The following FNDC3A variants were observed in gnomAD, a reference collection of about 807,000 sequenced individuals.
The protein encoded by FNDC3A is fibronectin type III domain containing 3A.
In FNDC3A, 32 loss-of-function variants were observed where a neutral mutation model predicts 148.9. The observed-to-expected ratio is 0.21, with a 90% CI of 0.16 to 0.29. The LOEUF is 0.29. Among genes scored for constraint, FNDC3A ranks in the 10% least tolerant of loss-of-function variants. The pLI is 1.00. For synonymous variants in FNDC3A, 472 were observed against 473.6 expected, an observed-to-expected ratio of 1.00 and a Z score of 0.04; for missense variants, 1,191 against 1,452.8, an observed-to-expected ratio of 0.82 and a Z score of 2.93.
At position 49,035,076 on chromosome 13, in the gene FNDC3A, AT is replaced by A. The variant is rs553248219; in HGVS notation, c.99+28794del. Among the ~76,000 whole-genome samples the A allele has an allele frequency of 2.3e-4, 35 of 152,150 alleles. No homozygotes were observed. The South Asian group carries it at 6.6e-3, about 29-fold the overall frequency. On this transcript the variant is annotated intron_variant, in intron 2 of 25. Coordinates refer to ENST00000492622, the MANE Select transcript of FNDC3A (RefSeq NM_001079673.2). ...ATTCTAATTACTGTAAAGTCCTTATATTTTTTTCTTTAAAATAATTGTAAGT... is the reference window on the plus strand; with the variant it reads ...ATTCTAATTACTGTAAAGTCCTTATATTTTTTCTTTAAAATAATTGTAAGT...
At chr13:49,171,529 T>C (rs1458936061) in intron 10 of FNDC3A, among the ~76,000 whole-genome samples, 1 of 152,166 alleles carries the variant, frequency 6.6e-6, no homozygotes, top group Non-Finnish European at 1.5e-5. Context: ...TGCATACTTT[T>C]ACACCTAAAA....
At chr13:49,169,183 G>A (rs1033029437) in intron 10 of FNDC3A, among the ~76,000 whole-genome samples, 13 of 152,184 alleles carry the variant, frequency 8.5e-5, no homozygotes, top group African/African-American at 2.2e-4. Flanking sequence ...ATTCATAAAC[G>A]TTTGGTCCTA....
chr13:49,154,149 G>T (rs1195476853), intron 8 of FNDC3A, among the ~76,000 whole-genome samples: 68 of 147,452 alleles, frequency 4.6e-4, no homozygotes, highest in African/African-American at 1.6e-3. Flanking sequence ...TCCTACCCAT[G>T]AGCATGGAAT....
At chr13:49,023,631 T>C (rs997143182) in intron 2 of FNDC3A, among the ~76,000 whole-genome samples, 1 of 151,900 alleles carries the variant, frequency 6.6e-6, no homozygotes, top group Non-Finnish European at 1.5e-5. Context: ...TGATTCAGAG[T>C]GACTCAAAAG....
chr13:48,986,556 C>T (rs934550619), intron 1 of FNDC3A, among the ~76,000 whole-genome samples: 12 of 151,768 alleles, frequency 7.9e-5, no homozygotes, highest in Non-Finnish European at 1.2e-4. Context: ...CCACCACACC[C>T]GGCTAATTTT....
At chr13:49,142,399 A>G (rs1008920625) in intron 7 of FNDC3A, among the ~76,000 whole-genome samples, 2 of 151,972 alleles carry the variant, frequency 1.3e-5, no homozygotes, top group African/African-American at 2.4e-5. Context: ...ATCATCTTAC[A>G]TTTCTTCTTT....
At position 49,036,227 on chromosome 13, in the gene FNDC3A, T is replaced by TGGAATTTTAAAGTTTGGGGCATC. The variant is rs1414597348; in HGVS notation, c.99+29939_99+29961dup. Among the ~76,000 whole-genome samples the TGGAATTTTAAAGTTTGGGGCATC allele has an allele frequency of 6.4e-4, 98 of 152,242 alleles. No individual in the cohort carries two copies. The Middle Eastern group carries it at 0.01, about 16-fold the overall frequency. On this transcript the variant is annotated intron_variant, in intron 2 of 25. Coordinates refer to ENST00000492622, the MANE Select transcript of FNDC3A (RefSeq NM_001079673.2). Reference sequence around the variant, plus strand: ...AATAAATCCAGAAAGTAGTTGAAAATGGAATTTTAAAGTTTGGGGCATCCC... The same window carrying TGGAATTTTAAAGTTTGGGGCATC: ...AATAAATCCAGAAAGTAGTTGAAAATGGAATTTTAAAGTTTGGGGCATCGGAATTTTAAAGTTTGGGGCATCCC...
intron 11 of FNDC3A, 142 bp from the exon 12 acceptor site, chr13:49,174,293 A>T (rs74745038): frequency 0.017 from 10,337 of 596,402 alleles, 223 homozygotes; most frequent in East Asian, 0.081. Context: ...CATATAAAAG[A>T]TGTGCTGTAT....
intron 19 of FNDC3A, among the ~76,000 whole-genome samples, chr13:49,192,065 G>C (rs1197878611): frequency 6.6e-6 from 1 of 152,082 alleles, no homozygotes; most frequent in East Asian, 1.9e-4. Context: ...TTTCCACTCA[G>C]CTATGACACC....
intron 25 of FNDC3A, among the ~76,000 whole-genome samples, chr13:49,203,634 G>GA (rs1886516647): frequency 6.6e-6 from 1 of 152,134 alleles, no homozygotes; most frequent in Non-Finnish European, 1.5e-5. Flanking sequence ...GTGTAATGGA[G>GA]AAAAAACAAA....
chr13:49,197,226 T>G (rs1191281438), intron 20 of FNDC3A, among the ~76,000 whole-genome samples: 1 of 152,244 alleles, frequency 6.6e-6, no homozygotes, highest in African/African-American at 2.4e-5. Context: ...TATGAATGGC[T>G]TTGTCTCAGT....
intron 1 of FNDC3A, among the ~76,000 whole-genome samples, chr13:48,981,292 A>T (rs968783910): frequency 1.1e-4 from 16 of 152,036 alleles, no homozygotes; most frequent in Non-Finnish European, 2.1e-4. Flanking sequence ...ACCACTTATT[A>T]CCTATATGAT....
At chr13:49,187,659 C>G in intron 16 of FNDC3A, 4 of 1,592,596 alleles carry the variant, frequency 2.5e-6, no homozygotes, top group East Asian at 2.2e-5. Flanking sequence ...TCCGGATGCT[C>G]TGGCCCAACG....
chr13:49,039,507 A>G (rs1347670879), intron 2 of FNDC3A, among the ~76,000 whole-genome samples: 3 of 152,158 alleles, frequency 2.0e-5, no homozygotes, highest in African/African-American at 7.2e-5. Context: ...ATAATTTTAT[A>G]TATGAACCTC....
chr13:49,003,775 G>T (rs545582954), intron 1 of FNDC3A, among the ~76,000 whole-genome samples: 1 of 152,184 alleles, frequency 6.6e-6, no homozygotes, highest in East Asian at 1.9e-4. Context: ...AAAAAAAGTT[G>T]CAAGAATAGT....
chr13:49,090,273 T>C (rs560559718), intron 3 of FNDC3A, among the ~76,000 whole-genome samples: 18 of 152,124 alleles, frequency 1.2e-4, no homozygotes, highest in Admixed American at 7.2e-4. Context: ...TATACAAAAA[T>C]TAGCTGGGCA....
intron 1 of FNDC3A, among the ~76,000 whole-genome samples, chr13:48,992,975 A>G (rs1484297299): frequency 2.0e-5 from 3 of 152,202 alleles, no homozygotes; most frequent in Non-Finnish European, 4.4e-5. Context: ...TTTAATCTAC[A>G]GGAAATAGCA....
chr13:49,086,579 A>G (rs1180008366), intron 3 of FNDC3A, among the ~76,000 whole-genome samples: 1 of 152,212 alleles, frequency 6.6e-6, no homozygotes, highest in African/African-American at 2.4e-5. Context: ...ACCAAGTTCT[A>G]CTGAAATTAT....
At chr13:49,127,042 T>G (rs1881742848) in intron 4 of FNDC3A, among the ~76,000 whole-genome samples, 1 of 152,216 alleles carries the variant, frequency 6.6e-6, no homozygotes, top group Admixed American at 6.5e-5. Context: ...TCTGCAGTTA[T>G]GTGCTCTGCT....
Sources: gnomAD v4.1 joint callset for allele counts (sites outside exome capture counted in the v4.1 genomes callset) on GRCh38, gnomAD v4.1.1 for gene constraint, MANE v1.5 for transcripts, NCBI Gene and HGNC (gene_info 2026-07-23, HGNC 2026-07-21) for gene names.